Variants in SNTG1 observed in about 807,000 individuals in gnomAD.
SNTG1 encodes syntrophin gamma 1, also known as gamma-1-syntrophin.
Under a neutral mutation model 74.7 loss-of-function variants are expected in SNTG1, and 39 were observed. That is an observed-to-expected ratio of 0.52 (90% CI 0.40 to 0.68). SNTG1 has a LOEUF of 0.68. Ranked by LOEUF, SNTG1 falls within the 30% of genes least tolerant of loss-of-function variation. The pLI is 0.00. For synonymous variants in SNTG1, 254 were observed against 217.1 expected, an observed-to-expected ratio of 1.17 and a Z score of -1.49; for missense variants, 685 against 609.5, an observed-to-expected ratio of 1.12 and a Z score of -1.30.
chr8:50,712,677 C>T (rs938449638), intron 17 of SNTG1, among the ~76,000 whole-genome samples: 2 of 151,960 alleles, frequency 1.3e-5, no homozygotes, highest in African/African-American at 4.8e-5. Flanking sequence ...TCAACAGGCC[C>T]CAGTGTGTGA....
At chr8:50,459,621 C>T (rs768384580) in intron 8 of SNTG1, among the ~76,000 whole-genome samples, 13 of 152,046 alleles carry the variant, frequency 8.6e-5, no homozygotes, top group Non-Finnish European at 1.8e-4. Flanking sequence ...AAAGACCCGT[C>T]GCTCAGGTAG....
At chr8:50,189,819 A>G (rs909419940) in intron 2 of SNTG1, among the ~76,000 whole-genome samples, 1 of 152,212 alleles carries the variant, frequency 6.6e-6, no homozygotes, top group African/African-American at 2.4e-5. Flanking sequence ...TCAAAAAACT[A>G]TAAAAATAGA....
Position 50,795,428 on chromosome 8 carries a change from TC to T in SNTG1, c.*2600del, listed in dbSNP as rs1304422867. ...AAAAACACTTAAAAATTTCTATCTC[TC>T]ATATAATTTAGGTTTACATGTAAGA... On this transcript the variant is annotated 3_prime_UTR_variant, in exon 19 of 19. Transcript: ENST00000642720. 6.6e-6 allele frequency: 1 copy of T among 152,094 alleles called. No homozygotes were observed. The highest frequency in any genetic ancestry group is 1.5e-5 in the Non-Finnish European group (1 of 67,986). 9.4% of individuals were successfully genotyped at this position (152,094 alleles called of 1,614,324 possible).
intron 1 of SNTG1, among the ~76,000 whole-genome samples, chr8:49,992,413 A>G (rs989991785): frequency 1.3e-5 from 2 of 152,202 alleles, no homozygotes; most frequent in African/African-American, 4.8e-5. Context: ...AGGATTTGAT[A>G]TATTTCTTAA....
chr8:50,237,612 G>A (rs879079446), intron 2 of SNTG1, among the ~76,000 whole-genome samples: 18 of 151,930 alleles, frequency 1.2e-4, no homozygotes, highest in South Asian at 2.1e-4. Context: ...TTTTTTTCCT[G>A]AACTCTCCTT....
Position 50,310,315 on chromosome 8 carries a change from C to A in SNTG1, c.-27-83897C>A, listed in dbSNP as rs79234107. ...AAAGAATAAAGATTTTAATTGCTAACAAAAATTGCAGAAATGCATCCTGAA... is the reference window on the plus strand; with the variant it reads ...AAAGAATAAAGATTTTAATTGCTAAAAAAAATTGCAGAAATGCATCCTGAA... On this transcript the variant is annotated intron_variant, in intron 2 of 18. Coordinates refer to ENST00000642720, the MANE Select transcript of SNTG1 (RefSeq NM_018967.5). Among the ~76,000 whole-genome samples, 393 of 152,224 alleles carry A rather than the reference C, an allele frequency of 2.6e-3. 1 individual carries two copies. The highest frequency in any genetic ancestry group is 8.8e-3 in the African/African-American group (365 of 41,538).
At chr8:49,938,542 G>A in intron 1 of SNTG1, among the ~76,000 whole-genome samples, 1 of 117,052 alleles carries the variant, frequency 8.5e-6, no homozygotes, top group Non-Finnish European at 1.8e-5. Flanking sequence ...ATCTTACCAT[G>A]CCTTCTTTTC....
At chr8:50,228,577 G>A (rs78098490) in intron 2 of SNTG1, among the ~76,000 whole-genome samples, 5,484 of 151,902 alleles carry the variant, frequency 0.036, 131 homozygotes, top group Middle Eastern at 0.058. Flanking sequence ...AAAATTACAA[G>A]AGACTTCTCA....
At chr8:50,554,244 C>T (rs1417496837) in intron 12 of SNTG1, among the ~76,000 whole-genome samples, 1 of 152,096 alleles carries the variant, frequency 6.6e-6, no homozygotes, top group Non-Finnish European at 1.5e-5. Flanking sequence ...AATAGCCATG[C>T]ATATGGTGAT....
chr8:50,351,792 G>T (rs1563930749), intron 2 of SNTG1, among the ~76,000 whole-genome samples: 1 of 152,184 alleles, frequency 6.6e-6, no homozygotes, highest in Non-Finnish European at 1.5e-5. Context: ...GTAATTGGCT[G>T]ATTAAGGAGA....
At chr8:50,724,672 A>G (rs1236301358) in intron 17 of SNTG1, among the ~76,000 whole-genome samples, 1 of 152,150 alleles carries the variant, frequency 6.6e-6, no homozygotes, top group African/African-American at 2.4e-5. Flanking sequence ...TGCAATTATG[A>G]ATGGCATGTT....
rs568333693 is a variant in SNTG1, at chr8:50,150,839, C to T, written c.-102-21722C>T. Among the ~76,000 whole-genome samples, 4 of 152,228 alleles carry T rather than the reference C, an allele frequency of 2.6e-5. No homozygotes were observed. In the East Asian group the frequency reaches 5.8e-4, roughly 22 times the overall value. On this transcript the variant is annotated intron_variant, in intron 1 of 18. Coordinates refer to ENST00000642720, the MANE Select transcript of SNTG1 (RefSeq NM_018967.5). ...AGTATTTTATTGAGGATTTTTGCAT[C>T]GATGTTCATCAGGGATGTTGGTCTA...
At chr8:50,393,061 T>G (rs1222175134) in intron 2 of SNTG1, among the ~76,000 whole-genome samples, 1 of 152,106 alleles carries the variant, frequency 6.6e-6, no homozygotes, top group Non-Finnish European at 1.5e-5. Flanking sequence ...GTTCTTCAAA[T>G]AAAATGTTTA....
At chr8:50,058,911 C>T (rs1183121116) in intron 1 of SNTG1, among the ~76,000 whole-genome samples, 1 of 152,086 alleles carries the variant, frequency 6.6e-6, no homozygotes, top group African/African-American at 2.4e-5. Context: ...CTCCACCTGA[C>T]TTCCTTAACC....
chr8:50,538,663 T>G (rs983088386), intron 11 of SNTG1, among the ~76,000 whole-genome samples: 9 of 152,102 alleles, frequency 5.9e-5, no homozygotes, highest in African/African-American at 2.2e-4. Flanking sequence ...TGGCACATAT[T>G]TCTTTAAATT....
intron 1 of SNTG1, among the ~76,000 whole-genome samples, chr8:50,055,250 C>T (rs1377470473): frequency 1.3e-5 from 2 of 151,994 alleles, no homozygotes; most frequent in African/African-American, 4.8e-5. Flanking sequence ...TATTAACCTC[C>T]CTTAAGACTT....
At chr8:49,983,225 A>C (rs986145364) in intron 1 of SNTG1, among the ~76,000 whole-genome samples, 1 of 152,182 alleles carries the variant, frequency 6.6e-6, no homozygotes, top group African/African-American at 2.4e-5. Flanking sequence ...AAAAGGAAAA[A>C]CATTAACATA....
chr8:50,661,186 G>A (rs1400823769), intron 15 of SNTG1, among the ~76,000 whole-genome samples: 1 of 152,064 alleles, frequency 6.6e-6, no homozygotes, highest in Non-Finnish European at 1.5e-5. Context: ...CATTTTATTA[G>A]GTGATATGAT....
At chr8:50,354,483 G>A (rs951873140) in intron 2 of SNTG1, among the ~76,000 whole-genome samples, 9 of 152,008 alleles carry the variant, frequency 5.9e-5, no homozygotes, top group South Asian at 2.1e-4. Flanking sequence ...TGAATCTTGC[G>A]TGTAGTAGTT....
Sources: allele counts gnomAD v4.1 joint callset (sites outside exome capture counted in the v4.1 genomes callset), GRCh38; gene constraint gnomAD v4.1.1; transcripts MANE v1.5; gene names NCBI Gene and HGNC (gene_info 2026-07-23, HGNC 2026-07-21).